DZANK1: variants seen among roughly 807,000 people sequenced by gnomAD.
DZANK1 encodes double zinc ribbon and ankyrin repeat-containing protein 1.
In DZANK1, 91 loss-of-function variants were observed where a neutral mutation model predicts 94.5. The observed-to-expected ratio is 0.96, with a 90% CI of 0.81 to 1.15. DZANK1 has a LOEUF of 1.15. DZANK1 is among the 50% of genes most tolerant of loss of function. The probability of loss-of-function intolerance (pLI) is 0.00; values close to 1 mark genes in which losing one functional copy is unlikely to be tolerated. For synonymous variants in DZANK1, 312 were observed against 325.3 expected (o/e 0.96, Z 0.44); for missense variants, 903 against 916.4 (o/e 0.99, Z 0.19).
In DZANK1 at chr20:18,456,174, A is replaced by G. The variant is rs535117963; in HGVS notation, c.264-813T>C. Among the ~76,000 whole-genome samples, 4 of 152,364 alleles carry G rather than the reference A, an allele frequency of 2.6e-5. No homozygotes were observed. In the South Asian group the frequency reaches 8.3e-4, roughly 32 times the overall value. The stretch of plus-strand genomic sequence containing the variant: ...GTGTTGCCTAGGTCATTCCACATGA[A>G]TCAAGAGCATTTTCCCTGTCTCAGC... On this transcript the variant is annotated intron_variant, in intron 3 of 20. Transcript: ENST00000262547.
rs1303541008 is a variant in DZANK1 at position 18,384,470 on chromosome 20, CAA to C, written c.2186_2187del (p.Phe729CysfsTer9). On this transcript the variant is annotated frameshift_variant, in exon 21 of 21. Transcript: ENST00000262547. LOFTEE classifies it high-confidence loss of function. The stretch of plus-strand genomic sequence containing the variant: ...TCAAGCCCTTGGCCAAACTTGGCAG[CAA>C]AGAGTGAGGTGACAAGGTCATCTCC... 2 of 1,611,930 alleles carry C rather than the reference CAA, an allele frequency of 1.2e-6. No individual in the cohort carries two copies. The highest frequency in any genetic ancestry group is 2.2e-5 in the South Asian group (2 of 90,454).
chr20:18,401,465 T>A (rs1046000227), intron 13 of DZANK1, among the ~76,000 whole-genome samples: 2 of 152,260 alleles, frequency 1.3e-5, no homozygotes, highest in African/African-American at 4.8e-5. Context: ...TCAACCACTT[T>A]ACTGCCCATA....
chr20:18,393,778 A>G (rs746086536), exon 17 of DZANK1: 9 of 1,613,204 alleles, frequency 5.6e-6, no homozygotes, highest in Admixed American at 3.3e-5. Flanking sequence ...GATTTTTTCA[A>G]TAGTATCTGA....
intron 15 of DZANK1, among the ~76,000 whole-genome samples, chr20:18,395,060 A>G (rs2056260514): frequency 6.6e-6 from 1 of 152,212 alleles, no homozygotes; most frequent in Non-Finnish European, 1.5e-5. Context: ...CAGGCTAACA[A>G]AAGATTTATT....
chr20:18,459,240 T>C (rs2180660), intron 3 of DZANK1, among the ~76,000 whole-genome samples: 14,695 of 152,272 alleles, frequency 0.097, 926 homozygotes, highest in East Asian at 0.27. Flanking sequence ...TAAAGAATAA[T>C]AACGTGCATA....
At chr20:18,396,605 G>A (rs1398487185) in intron 14 of DZANK1, 59 bp from the exon 15 acceptor site, 2 of 1,217,610 alleles carry the variant, frequency 1.6e-6, no homozygotes, top group African/African-American at 3.1e-5. Context: ...ATTGCCTTAA[G>A]TAACAGTGTA....
chr20:18,387,861 C>T (rs2048602363), intron 19 of DZANK1, among the ~76,000 whole-genome samples: 1 of 152,218 alleles, frequency 6.6e-6, no homozygotes, highest in Admixed American at 6.5e-5. Flanking sequence ...GCCAAACATG[C>T]TCAGATGGGA....
intron 12 of DZANK1, 143 bp downstream of exon 12, chr20:18,414,205 A>C: frequency 1.1e-6 from 1 of 949,708 alleles, no homozygotes; most frequent in Non-Finnish European, 1.5e-6. Context: ...GACTGCATTT[A>C]TTTACACACC....
Position 18,390,460 on chromosome 20 carries a change from C to G in DZANK1, c.1810-1G>C, listed in dbSNP as rs2148171637. On this transcript the variant is annotated splice_acceptor_variant, in intron 17 of 20. Transcript: ENST00000262547. LOFTEE classifies it high-confidence loss of function. The stretch of plus-strand genomic sequence containing the variant: ...CCTTCAGCAGGAGTCTGTTTTCAGG[C>G]TGCAGGATTACAGAATGTGGTCATT... 6.2e-7 allele frequency: 1 copy of G among 1,613,802 alleles called. No homozygotes were observed. The highest frequency in any genetic ancestry group is 8.5e-7 in the Non-Finnish European group (1 of 1,179,732).
intron 13 of DZANK1, among the ~76,000 whole-genome samples, chr20:18,407,158 C>T (rs1371467327): frequency 6.6e-6 from 1 of 152,228 alleles, no homozygotes; most frequent in Non-Finnish European, 1.5e-5. Flanking sequence ...GGGCAAGGCC[C>T]AGTGCTATAC....
chr20:18,393,708 T>TAG lies in DZANK1; in HGVS notation c.1809+2_1809+3insCT. 1 of 1,589,572 alleles carries TAG rather than the reference T, an allele frequency of 6.3e-7. No individual in the cohort carries two copies. The highest frequency in any genetic ancestry group is 8.6e-7 in the Non-Finnish European group (1 of 1,161,474). On this transcript the variant is annotated splice_region_variant and intron_variant, in intron 17 of 20. Transcript: ENST00000262547. The stretch of plus-strand genomic sequence containing the variant: ...TCCACAAGGACCAAAAAAAGACACT[T>TAG]ACTATAAGCTGCTCCTTCTTTTCTT...
chr20:18,430,297 G>A (rs543255618), intron 9 of DZANK1, among the ~76,000 whole-genome samples: 1 of 152,260 alleles, frequency 6.6e-6, no homozygotes, highest in South Asian at 2.1e-4. Flanking sequence ...ACTCACTGAA[G>A]GCACCTGTGA....
At position 18,398,597 on chromosome 20, in the gene DZANK1, A is replaced by C. The variant is rs768860531; in HGVS notation, c.1462T>G (p.Ser488Ala). 3 of 1,613,882 alleles carry C rather than the reference A, an allele frequency of 1.9e-6. No individual in the cohort carries two copies. The African/African-American group carries it at 4.0e-5, about 22-fold the overall frequency. ...TGAGCATAACACCTGAGGTGAGCAG[A>C]GATGTGATCCAGCTGTCTTCTCCAG... The change falls in exon 14 of 21, where the codon TCT (serine) becomes GCT (alanine). Residue 488 changes from serine (S) to alanine (A), a missense_variant. Ser to Ala is a moderately conservative substitution (Grantham distance 99, BLOSUM62 1). Coordinates refer to ENST00000262547, the Ensembl canonical transcript of DZANK1.
At chr20:18,389,906 A>C in intron 18 of DZANK1, 78 bp from the exon 19 acceptor site, 1 of 1,583,282 alleles carries the variant, frequency 6.3e-7, no homozygotes, top group South Asian at 1.2e-5. Flanking sequence ...TATGAAGTAT[A>C]ACAGATGTCC....
chr20:18,454,288 T>C (rs1417659952), intron 4 of DZANK1: 2 of 329,246 alleles, frequency 6.1e-6, no homozygotes, highest in Non-Finnish European at 1.2e-5. Context: ...CTTGCTGACA[T>C]ATGTTGGCTT....
chr20:18,413,783 A>G (rs752156043), intron 12 of DZANK1, among the ~76,000 whole-genome samples: 1 of 152,192 alleles, frequency 6.6e-6, no homozygotes, highest in African/African-American at 2.4e-5. Context: ...CTGTCTCAAA[A>G]AAAAAAGGTC....
At chr20:18,421,704 G>A (rs1420299649) in intron 10 of DZANK1, among the ~76,000 whole-genome samples, 1 of 152,114 alleles carries the variant, frequency 6.6e-6, no homozygotes. Flanking sequence ...AAATGTACTA[G>A]GCATCCAGGA....
At chr20:18,465,251 T>G (rs1194999470) in exon 2 of DZANK1, 1 of 1,568,082 alleles carries the variant, frequency 6.4e-7, no homozygotes, top group East Asian at 2.3e-5. Context: ...GATTCTTACC[T>G]GATTTCATTT....
At chr20:18,399,063 T>C (rs1053559006) in intron 13 of DZANK1, among the ~76,000 whole-genome samples, 2 of 150,712 alleles carry the variant, frequency 1.3e-5, no homozygotes, top group Non-Finnish European at 3.0e-5. Flanking sequence ...GAGGCGGAGG[T>C]TGCAATGAGC....
Sources: allele counts gnomAD v4.1 joint callset (sites outside exome capture counted in the v4.1 genomes callset), GRCh38; gene constraint gnomAD v4.1.1; transcripts MANE v1.5; gene names NCBI Gene and HGNC (gene_info 2026-07-23, HGNC 2026-07-21).